Variants in ZNF138 observed in about 807,000 individuals in gnomAD.
ZNF138 encodes the protein zinc finger protein 138.
In ZNF138, 33 loss-of-function variants were observed where a neutral mutation model predicts 33.0. The ratio of observed to expected loss-of-function variants is 1.00; its 90% CI spans 0.76 to 1.34. The LOEUF is 1.34. Among genes scored for constraint, ZNF138 ranks in the 40% most tolerant of loss-of-function variants. The probability of loss-of-function intolerance (pLI) is 0.00; values close to 1 mark genes in which losing one functional copy is unlikely to be tolerated. For missense variants in ZNF138, 360 were observed against 370.8 expected (o/e 0.97, Z 0.24); for synonymous variants, 139 against 120.4 (o/e 1.15, Z -1.01).
chr7:64,796,007 G>A (rs1011759237), intron 1 of ZNF138, among the ~76,000 whole-genome samples: 1 of 152,178 alleles, frequency 6.6e-6, no homozygotes, highest in African/African-American at 2.4e-5. Context: ...ATCTCCTGGT[G>A]TACTCTTCCT....
chr7:64,814,338 G>A (rs935528699), intron 1 of ZNF138, among the ~76,000 whole-genome samples: 8 of 152,146 alleles, frequency 5.3e-5, no homozygotes, highest in African/African-American at 1.7e-4. Context: ...ACTCAGAAAT[G>A]GACATGTTTG....
At chr7:64,815,781 T>C (rs1788576352) in intron 3 of ZNF138, 128 bp downstream of exon 3, 3 of 822,398 alleles carry the variant, frequency 3.6e-6, no homozygotes, top group South Asian at 3.5e-5. Flanking sequence ...CTGAGTTTTT[T>C]ATTTTGCTCT....
the ZNF138 span, among the ~76,000 whole-genome samples, chr7:64,858,369 T>C: frequency 6.6e-6 from 1 of 152,168 alleles, no homozygotes; most frequent in Non-Finnish European, 1.5e-5. Context: ...AGGATGCAGA[T>C]AGAAGATGAA....
the ZNF138 span, among the ~76,000 whole-genome samples, chr7:64,854,605 C>A: frequency 6.6e-6 from 1 of 152,074 alleles, no homozygotes; most frequent in South Asian, 2.1e-4. Context: ...ATTAACATGA[C>A]AAAAGTAACA....
the ZNF138 span, among the ~76,000 whole-genome samples, chr7:64,858,900 T>G: frequency 6.3e-3 from 967 of 152,288 alleles, 5 homozygotes; most frequent in Admixed American, 0.011. Context: ...TTGATGAACA[T>G]TTAGGTTGAT....
chr7:64,826,515 A>G (rs1406418844), intron 3 of ZNF138, among the ~76,000 whole-genome samples: 1 of 152,146 alleles, frequency 6.6e-6, no homozygotes, highest in African/African-American at 2.4e-5. Flanking sequence ...TCCTGACCTC[A>G]GGTGATCTGC....
chr7:64,818,174 T>C (rs1254372282), intron 3 of ZNF138, among the ~76,000 whole-genome samples: 5 of 151,660 alleles, frequency 3.3e-5, no homozygotes, highest in African/African-American at 1.2e-4. Flanking sequence ...TTAGTAAAGA[T>C]AGGGTTTCAC....
Position 64,827,633 on chromosome 7 carries a change from ATTAG to A in ZNF138, c.209-3813_209-3810del, listed in dbSNP as rs1001895621. ...TGAAGTCAATTGTGAATCAAGTATT[ATTAG>A]TTAGATTTTTTTTATTACATCAAAA... On this transcript the variant is annotated intron_variant, in intron 3 of 3. Transcript: ENST00000307355. 4.6e-5 allele frequency among the ~76,000 whole-genome samples: 7 copies of A among 151,946 alleles called. No individual in the cohort carries two copies. In the East Asian group the frequency reaches 7.7e-4, roughly 17 times the overall value.
chr7:64,820,618 C>T (rs1161258902), intron 3 of ZNF138, among the ~76,000 whole-genome samples: 3 of 151,620 alleles, frequency 2.0e-5, no homozygotes, highest in Non-Finnish European at 4.4e-5. Flanking sequence ...GGCTGGAGTG[C>T]TGTGACACAA....
intron 3 of ZNF138, among the ~76,000 whole-genome samples, chr7:64,829,382 TA>T (rs1383294677): frequency 6.6e-6 from 1 of 151,236 alleles, no homozygotes; most frequent in Non-Finnish European, 1.5e-5. Context: ...TAATGTGAGA[TA>T]CACAAACTCA....
the ZNF138 span, among the ~76,000 whole-genome samples, chr7:64,848,294 T>G: frequency 6.6e-6 from 1 of 152,156 alleles, no homozygotes; most frequent in Non-Finnish European, 1.5e-5. Flanking sequence ...TTCTTAGGTT[T>G]GCTCACTTAA....
chr7:64,852,828 T>G, the ZNF138 span: 4 of 838,666 alleles, frequency 4.8e-6, no homozygotes, highest in Non-Finnish European at 8.5e-6. Flanking sequence ...TGACAGACAG[T>G]GGTAGTGACT....
At chr7:64,818,065 T>A (rs60741654) in intron 3 of ZNF138, among the ~76,000 whole-genome samples, 2,409 of 81,846 alleles carry the variant, frequency 0.029, 66 homozygotes, top group African/African-American at 0.096. Flanking sequence ...CAATCTTGGC[T>A]TACTGCAACC....
intron 1 of ZNF138, among the ~76,000 whole-genome samples, chr7:64,813,303 G>A (rs1788329924): frequency 2.0e-5 from 3 of 151,940 alleles, no homozygotes; most frequent in South Asian, 4.1e-4. Flanking sequence ...AATGGCACTC[G>A]TTACCCAGAA....
At chr7:64,837,896 A>C (rs1168587024), downstream of ZNF138, among the ~76,000 whole-genome samples, 1 of 152,114 alleles carries the variant, frequency 6.6e-6, no homozygotes, top group African/African-American at 2.4e-5. Context: ...TTTAGTAAGG[A>C]ATAAAGGGAA....
downstream of ZNF138, chr7:64,835,647 T>C (rs1790346429): frequency 6.6e-6 from 1 of 152,142 alleles, no homozygotes; most frequent in South Asian, 2.1e-4. Flanking sequence ...AGAATAAACA[T>C]GTCCCTCCTT....
At chr7:64,855,035 G>A in the ZNF138 span, among the ~76,000 whole-genome samples, 5 of 152,140 alleles carry the variant, frequency 3.3e-5, no homozygotes, top group Non-Finnish European at 7.4e-5. Context: ...ACAAAAGATA[G>A]TATGACTAGA....
intron 3 of ZNF138, among the ~76,000 whole-genome samples, chr7:64,827,972 T>C (rs1583887368): frequency 6.6e-6 from 1 of 152,200 alleles, no homozygotes; most frequent in African/African-American, 2.4e-5. Context: ...GATATAATTC[T>C]CTGTTTGCCT....
At chr7:64,849,906 T>G in the ZNF138 span, among the ~76,000 whole-genome samples, 1 of 152,128 alleles carries the variant, frequency 6.6e-6, no homozygotes, top group Non-Finnish European at 1.5e-5. Context: ...GCAGGGCTTT[T>G]GTGCCTTGCT....
Sources: allele counts gnomAD v4.1 joint callset (sites outside exome capture counted in the v4.1 genomes callset), GRCh38; gene constraint gnomAD v4.1.1; transcripts MANE v1.5; gene names NCBI Gene and HGNC (gene_info 2026-07-23, HGNC 2026-07-21).